The following LRRC4C variants were observed in gnomAD, a reference collection of about 807,000 sequenced individuals.
LRRC4C encodes leucine-rich repeat-containing protein 4C.
Under a neutral mutation model 33.6 loss-of-function variants are expected in LRRC4C, and 5 were observed. The ratio of observed to expected loss-of-function variants is 0.15; its 90% CI spans 0.08 to 0.31. LRRC4C has a LOEUF of 0.31. LRRC4C is among the 10% of genes least tolerant of loss of function. LRRC4C has a pLI of 1.00. For missense variants in LRRC4C, 560 were observed against 796.7 expected, an observed-to-expected ratio of 0.70 and a Z score of 3.58; for synonymous variants, 329 against 302.0, an observed-to-expected ratio of 1.09 and a Z score of -0.93.
chr11:41,387,317 T>C (rs1025391107), intron 1 of LRRC4C, among the ~76,000 whole-genome samples: 3 of 151,636 alleles, frequency 2.0e-5, no homozygotes, highest in African/African-American at 2.4e-5. Flanking sequence ...AGGATTCAGT[T>C]TGGAGACAGA....
Position 40,140,796 on chromosome 11 carries a change from C to T in LRRC4C, c.-43+5G>A, listed in dbSNP as rs1164692881. The T allele has an allele frequency of 6.7e-6, 1 of 149,878 alleles. No homozygotes were observed. Among genetic ancestry groups the T allele is most frequent in the Non-Finnish European group, 1.5e-5 (1 of 67,400 alleles). 9.3% of individuals were successfully genotyped at this position (149,878 alleles called of 1,614,324 possible). On this transcript the variant is annotated splice_donor_5th_base_variant and intron_variant, in intron 6 of 6. Transcript: ENST00000528697. ...GGGAAAGATTTAGTATGAATCATCA[C>T]CCACCTAGCTCTCCACTGGGGGTCT...
intron 3 of LRRC4C, among the ~76,000 whole-genome samples, chr11:40,379,976 T>A (rs1157349751): frequency 6.6e-6 from 1 of 152,092 alleles, no homozygotes; most frequent in African/African-American, 2.4e-5. Context: ...AACTGAAGTT[T>A]TGGAACTACT....
intron 2 of LRRC4C, among the ~76,000 whole-genome samples, chr11:40,761,276 T>C (rs1949198400): frequency 6.6e-6 from 1 of 152,086 alleles, no homozygotes; most frequent in Non-Finnish European, 1.5e-5. Flanking sequence ...CATCTTAAAA[T>C]TGCAGTGTTA....
At chr11:40,638,633 A>T (rs914154767) in intron 3 of LRRC4C, among the ~76,000 whole-genome samples, 3 of 152,166 alleles carry the variant, frequency 2.0e-5, no homozygotes, top group African/African-American at 7.2e-5. Context: ...AATTAAATGG[A>T]GGAAGTTCTA....
intron 2 of LRRC4C, among the ~76,000 whole-genome samples, chr11:40,836,775 A>T (rs1362464778): frequency 1.3e-5 from 2 of 152,090 alleles, no homozygotes; most frequent in Admixed American, 6.5e-5. Flanking sequence ...CACCTATCTC[A>T]TAGGGTGATT....
intron 5 of LRRC4C, among the ~76,000 whole-genome samples, chr11:40,221,048 G>GT (rs112096804): frequency 6.6e-5 from 10 of 151,746 alleles, no homozygotes; most frequent in African/African-American, 1.9e-4. Context: ...GCTAATTTTT[G>GT]TTTTTTTAGT....
intron 1 of LRRC4C, among the ~76,000 whole-genome samples, chr11:41,362,777 C>T (rs535766888): frequency 1.3e-5 from 2 of 150,640 alleles, no homozygotes; most frequent in African/African-American, 4.8e-5. Flanking sequence ...GCTTCTAGAG[C>T]TGCATTCCTA....
At chr11:41,347,868 A>T (rs1951851508) in intron 1 of LRRC4C, among the ~76,000 whole-genome samples, 1 of 152,162 alleles carries the variant, frequency 6.6e-6, no homozygotes, top group Non-Finnish European at 1.5e-5. Flanking sequence ...GATTACGCTA[A>T]AATGCTTCCG....
chr11:40,266,612 T>C (rs1196417645), intron 4 of LRRC4C, among the ~76,000 whole-genome samples: 2 of 152,176 alleles, frequency 1.3e-5, no homozygotes, highest in Non-Finnish European at 2.9e-5. Context: ...TATGTATTAC[T>C]TAAAGCACTG....
chr11:41,063,608 G>A (rs1937964578), intron 1 of LRRC4C, among the ~76,000 whole-genome samples: 1 of 152,106 alleles, frequency 6.6e-6, no homozygotes, highest in African/African-American at 2.4e-5. Flanking sequence ...TAGTGGAAAG[G>A]CCCTGAAGAG....
chr11:40,579,014 G>A (rs1423867525), intron 3 of LRRC4C, among the ~76,000 whole-genome samples: 1 of 152,156 alleles, frequency 6.6e-6, no homozygotes, highest in Non-Finnish European at 1.5e-5. Flanking sequence ...CACTGACTTT[G>A]TTAAGCCAGA....
chr11:40,931,303 T>A (rs923745020), intron 2 of LRRC4C, among the ~76,000 whole-genome samples: 1 of 152,192 alleles, frequency 6.6e-6, no homozygotes, highest in African/African-American at 2.4e-5. Flanking sequence ...GTACATTTAC[T>A]GGGAATTTAA....
chr11:41,178,735 G>A lies in LRRC4C; in HGVS notation c.-495-245012C>T, dbSNP rs187116127. ...TGTTTGTTTTTTGAGACGGAGTCTC[G>A]CTCTGTCCCCCAGGCTGAAGTGCAG... is the stretch of plus-strand genomic sequence containing the variant. On this transcript the variant is annotated intron_variant, in intron 1 of 6. Transcript: ENST00000528697. Among the ~76,000 whole-genome samples, 39 of 152,200 alleles carry A rather than the reference G, an allele frequency of 2.6e-4. No individual in the cohort carries two copies. In the East Asian group the frequency reaches 3.5e-3, roughly 14 times the overall value.
intron 2 of LRRC4C, among the ~76,000 whole-genome samples, chr11:40,710,600 C>A (rs1946412021): frequency 6.6e-6 from 1 of 152,186 alleles, no homozygotes; most frequent in African/African-American, 2.4e-5. Context: ...CTCAGAGGGG[C>A]ACCCGGCTGT....
intron 5 of LRRC4C, among the ~76,000 whole-genome samples, chr11:40,240,969 C>A (rs993062096): frequency 6.6e-6 from 1 of 152,104 alleles, no homozygotes; most frequent in African/African-American, 2.4e-5. Flanking sequence ...CTACACAATG[C>A]AAAATATTAA....
At position 40,114,298 on chromosome 11, in the gene LRRC4C, C is replaced by T; in HGVS notation, c.*72G>A. On this transcript the variant is annotated 3_prime_UTR_variant, in exon 7 of 7. Transcript: ENST00000528697. ...CTTTTTTGAAACAGTAGATTTAGCC[C>T]AGTCATTTGTGTCATTTTTAATAAA... The T allele has an allele frequency of 2.8e-6, 4 of 1,421,888 alleles. No individual in the cohort carries two copies. The highest frequency in any genetic ancestry group is 3.0e-5 in the South Asian group (2 of 65,626). The allele number at this position is 1,421,888 out of a possible 1,614,324, so 88.1% of individuals were successfully genotyped here. A position where few individuals can be genotyped will look rare whatever the true frequency, so the allele number is the denominator to read the frequency against.
chr11:40,865,206 C>CA, intron 2 of LRRC4C, among the ~76,000 whole-genome samples: 1 of 152,096 alleles, frequency 6.6e-6, no homozygotes, highest in Admixed American at 6.6e-5. Context: ...CACACGATCT[C>CA]ACCCATATGT....
chr11:41,343,519 C>T (rs1332066803), intron 1 of LRRC4C, among the ~76,000 whole-genome samples: 5 of 152,098 alleles, frequency 3.3e-5, no homozygotes, highest in Non-Finnish European at 7.4e-5. Context: ...TTCCAATATA[C>T]TTAAAGCAAT....
intron 1 of LRRC4C, among the ~76,000 whole-genome samples, chr11:41,100,703 C>T (rs1034410765): frequency 4.6e-4 from 70 of 152,146 alleles, no homozygotes; most frequent in African/African-American, 1.6e-3. Flanking sequence ...TTAAAATTCA[C>T]GTGGAACCAA....
Sources: allele counts gnomAD v4.1 joint callset (sites outside exome capture counted in the v4.1 genomes callset), GRCh38; gene constraint gnomAD v4.1.1; transcripts MANE v1.5; gene names NCBI Gene and HGNC (gene_info 2026-07-23, HGNC 2026-07-21).